MALRD1: variants seen among roughly 807,000 people sequenced by gnomAD.
MALRD1 encodes the protein MAM and LDL-receptor class A domain-containing protein 1.
In MALRD1, 247 loss-of-function variants were observed where a neutral mutation model predicts 242.1. That is an observed-to-expected ratio of 1.02 (90% CI 0.92 to 1.13). The LOEUF (loss-of-function observed/expected upper bound fraction) is 1.13, where lower values mean the gene tolerates loss of function less well. Ranked by LOEUF, MALRD1 falls within the 50% of genes most tolerant of loss-of-function variation. MALRD1 has a pLI of 0.00. For synonymous variants in MALRD1, 995 were observed against 866.6 expected, an observed-to-expected ratio of 1.15 and a Z score of -2.60; for missense variants, 2,989 against 2,533.1, an observed-to-expected ratio of 1.18 and a Z score of -3.86.
intron 29 of MALRD1, among the ~76,000 whole-genome samples, chr10:19,479,617 A>G (rs1221333947): frequency 2.0e-5 from 3 of 152,246 alleles, no homozygotes; most frequent in South Asian, 4.1e-4. Flanking sequence ...TAAATTCGCC[A>G]TAAGTGCTAG....
intron 26 of MALRD1, among the ~76,000 whole-genome samples, chr10:19,384,019 T>C (rs1166075325): frequency 1.3e-5 from 2 of 151,798 alleles, no homozygotes; most frequent in African/African-American, 2.4e-5. Flanking sequence ...AGACTTAAGG[T>C]CTGAATGATA....
At chr10:19,361,114 T>G (rs1250629205) in intron 26 of MALRD1, among the ~76,000 whole-genome samples, 1 of 152,112 alleles carries the variant, frequency 6.6e-6, no homozygotes, top group African/African-American at 2.4e-5. Context: ...CTCCCAATAC[T>G]TATATAGATA....
At chr10:19,550,582 G>A (rs1287421466) in intron 32 of MALRD1, among the ~76,000 whole-genome samples, 4 of 152,114 alleles carry the variant, frequency 2.6e-5, no homozygotes, top group Non-Finnish European at 5.9e-5. Context: ...ACTTAAGTGT[G>A]AGAACATGCG....
intron 29 of MALRD1, among the ~76,000 whole-genome samples, chr10:19,465,905 C>T (rs779736244): frequency 2.0e-5 from 3 of 152,152 alleles, no homozygotes; most frequent in Non-Finnish European, 2.9e-5. Context: ...CCACCACTCC[C>T]ATCAGGTTCC....
At chr10:19,379,599 T>C (rs1001228970) in intron 26 of MALRD1, among the ~76,000 whole-genome samples, 3 of 152,210 alleles carry the variant, frequency 2.0e-5, no homozygotes, top group Non-Finnish European at 4.4e-5. Flanking sequence ...AGATACCTAA[T>C]TTGATACTGA....
intron 38 of MALRD1, among the ~76,000 whole-genome samples, chr10:19,703,570 C>A (rs989494609): frequency 2.6e-5 from 4 of 152,292 alleles, no homozygotes; most frequent in African/African-American, 9.6e-5. Context: ...GAGATGTAAT[C>A]ATCAAATCTA....
intron 38 of MALRD1, chr10:19,711,249 C>T (rs919327187): frequency 6.6e-6 from 1 of 152,144 alleles, no homozygotes; most frequent in East Asian, 1.9e-4. Context: ...TTCAAGCTCA[C>T]TAATGAATCA....
At chr10:19,644,822 T>G (rs1478425243) in intron 36 of MALRD1, among the ~76,000 whole-genome samples, 1 of 152,150 alleles carries the variant, frequency 6.6e-6, no homozygotes, top group Non-Finnish European at 1.5e-5. Context: ...AATTGGAATG[T>G]AAACCAAATT....
At chr10:19,429,748 A>G (rs905669184) in intron 28 of MALRD1, among the ~76,000 whole-genome samples, 12 of 152,108 alleles carry the variant, frequency 7.9e-5, no homozygotes, top group African/African-American at 2.9e-4. Flanking sequence ...TATTGATCTC[A>G]TATTGATCAG....
chr10:19,483,098 C>T (rs1837082801), intron 29 of MALRD1, among the ~76,000 whole-genome samples: 1 of 151,520 alleles, frequency 6.6e-6, no homozygotes, highest in Non-Finnish European at 1.5e-5. Context: ...AAAATAGACA[C>T]ATAGACCAAT....
chr10:19,288,818 C>T (rs1841267344), intron 21 of MALRD1, among the ~76,000 whole-genome samples: 1 of 152,046 alleles, frequency 6.6e-6, no homozygotes, highest in South Asian at 2.1e-4. Context: ...ACTTCACAAC[C>T]CCCAGACTCT....
chr10:19,590,138 T>A (rs951029712), intron 33 of MALRD1, among the ~76,000 whole-genome samples: 1 of 152,014 alleles, frequency 6.6e-6, no homozygotes, highest in Non-Finnish European at 1.5e-5. Flanking sequence ...ACTTGCTGAA[T>A]TGCTACATTC....
chr10:19,434,423 T>C (rs1834267027), intron 28 of MALRD1, among the ~76,000 whole-genome samples: 1 of 152,100 alleles, frequency 6.6e-6, no homozygotes, highest in African/African-American at 2.4e-5. Context: ...AAATTTAAAA[T>C]AGTCTACAAT....
At chr10:19,515,546 T>C (rs952653938) in intron 31 of MALRD1, among the ~76,000 whole-genome samples, 1 of 151,516 alleles carries the variant, frequency 6.6e-6, no homozygotes, top group Non-Finnish European at 1.5e-5. Flanking sequence ...CAACTTTCTC[T>C]TTTTTTTAAT....
chr10:19,695,913 C>T (rs1329099944), intron 38 of MALRD1, among the ~76,000 whole-genome samples: 1 of 152,124 alleles, frequency 6.6e-6, no homozygotes, highest in Non-Finnish European at 1.5e-5. Context: ...GAGACGTAAT[C>T]ACTATCATAA....
chr10:19,225,952 C>T lies in MALRD1; in HGVS notation c.2991+16272C>T, dbSNP rs1428154436. On this transcript the variant is annotated intron_variant, in intron 18 of 39. Coordinates refer to ENST00000454679, the MANE Select transcript of MALRD1 (RefSeq NM_001142308.3). ...CTGCCACAGGTAATGACAGCTTCCT[C>T]TGTAACCGTTGGTGTTATCCCTGGT... Among the ~76,000 whole-genome samples the T allele has an allele frequency of 2.0e-5, 3 of 152,134 alleles. No homozygotes were observed. The East Asian group carries it at 5.8e-4, about 29-fold the overall frequency.
chr10:19,099,839 T>C (rs1836186832), intron 4 of MALRD1, among the ~76,000 whole-genome samples: 1 of 151,634 alleles, frequency 6.6e-6, no homozygotes, highest in Admixed American at 6.6e-5. Context: ...CATCTCAGAT[T>C]GCAACCTCTG....
At chr10:19,214,955 C>T (rs989368828) in intron 18 of MALRD1, among the ~76,000 whole-genome samples, 9 of 152,310 alleles carry the variant, frequency 5.9e-5, no homozygotes, top group African/African-American at 2.2e-4. Context: ...AAAACACTCT[C>T]ATGATATGCA....
At chr10:19,723,697 A>T (rs1172360204) in intron 38 of MALRD1, among the ~76,000 whole-genome samples, 1 of 151,340 alleles carries the variant, frequency 6.6e-6, no homozygotes, top group Non-Finnish European at 1.5e-5. Flanking sequence ...AGCTATGATC[A>T]CACCACTGTA....
Sources: allele counts gnomAD v4.1 joint callset (sites outside exome capture counted in the v4.1 genomes callset), GRCh38; gene constraint gnomAD v4.1.1; transcripts MANE v1.5; gene names NCBI Gene and HGNC (gene_info 2026-07-23, HGNC 2026-07-21).